Variants in COTL1 observed in about 807,000 individuals in gnomAD.
The protein encoded by COTL1 is coactosin like F-actin binding protein 1.
A neutral mutation model predicts 16.5 loss-of-function variants in COTL1; 15 were observed. The observed-to-expected ratio is 0.91, with a 90% CI of 0.61 to 1.40. The LOEUF is 1.40. Ranked by LOEUF, COTL1 falls within the 40% of genes most tolerant of loss-of-function variation. The pLI is 0.00. For synonymous variants in COTL1, 112 were observed against 85.3 expected (o/e 1.31, Z -1.73); for missense variants, 220 against 201.5 (o/e 1.09, Z -0.56).
chr16:84,578,615 A>G (rs1904504661), intron 3 of COTL1, among the ~76,000 whole-genome samples: 1 of 151,484 alleles, frequency 6.6e-6, no homozygotes. Context: ...AGATATGCAC[A>G]CACCAACACA....
intron 3 of COTL1, among the ~76,000 whole-genome samples, chr16:84,571,061 CA>C (rs940822160): frequency 2.0e-5 from 3 of 151,744 alleles, no homozygotes; most frequent in African/African-American, 7.3e-5. Context: ...CCCTTTAGAA[CA>C]GACCCCAGAT....
chr16:84,576,501 G>T (rs953826338), intron 3 of COTL1: 4 of 152,188 alleles, frequency 2.6e-5, no homozygotes, highest in African/African-American at 9.6e-5. Flanking sequence ...TAGGCTCTGG[G>T]AAGTCAAAAT....
At chr16:84,575,790 A>G (rs770787168) in intron 3 of COTL1, 4 of 152,272 alleles carry the variant, frequency 2.6e-5, no homozygotes, top group Non-Finnish European at 5.9e-5. Flanking sequence ...CTGGGGACTC[A>G]ACCTCCCTGA....
intron 3 of COTL1, among the ~76,000 whole-genome samples, 154 bp downstream of exon 3, chr16:84,589,951 T>A (rs571106290): frequency 6.6e-6 from 1 of 152,320 alleles, no homozygotes; most frequent in South Asian, 2.1e-4. Flanking sequence ...TGGTGACATT[T>A]CACCAATGGC....
chr16:84,587,501 G>C (rs891232035), intron 3 of COTL1, among the ~76,000 whole-genome samples: 5 of 152,198 alleles, frequency 3.3e-5, no homozygotes, highest in African/African-American at 1.2e-4. Context: ...AAGAGGCCAA[G>C]AACAGGGGAA....
intron 3 of COTL1, chr16:84,568,055 TG>T (rs1904306286): frequency 6.6e-6 from 1 of 152,216 alleles, no homozygotes; most frequent in African/African-American, 2.4e-5. Flanking sequence ...TGGAGTGCAG[TG>T]GCGCAATCTT....
At chr16:84,570,910 G>A (rs956443681) in intron 3 of COTL1, among the ~76,000 whole-genome samples, 2 of 151,036 alleles carry the variant, frequency 1.3e-5, no homozygotes, top group Admixed American at 1.3e-4. Context: ...ATCCTCAGGG[G>A]AACACAGAGA....
chr16:84,570,790 G>A (rs563466098), intron 3 of COTL1, among the ~76,000 whole-genome samples: 40 of 152,166 alleles, frequency 2.6e-4, no homozygotes, highest in African/African-American at 8.7e-4. Flanking sequence ...AAGACAAGTC[G>A]TCCAGCAATC....
At chr16:84,586,086 C>G (rs1013101533) in intron 3 of COTL1, among the ~76,000 whole-genome samples, 1 of 152,192 alleles carries the variant, frequency 6.6e-6, no homozygotes, top group Non-Finnish European at 1.5e-5. Flanking sequence ...AAAGAGGCCT[C>G]TCTCTTCTGG....
At chr16:84,573,925 A>G (rs955939163) in intron 3 of COTL1, among the ~76,000 whole-genome samples, 7 of 151,884 alleles carry the variant, frequency 4.6e-5, no homozygotes, top group African/African-American at 1.7e-4. Flanking sequence ...GGAGGTCGAG[A>G]AGGGAGAATC....
intron 3 of COTL1, among the ~76,000 whole-genome samples, chr16:84,577,586 G>A (rs977396960): frequency 6.6e-6 from 1 of 152,184 alleles, no homozygotes; most frequent in Non-Finnish European, 1.5e-5. Context: ...TATAGATAAA[G>A]GGAAAAACTA....
intron 2 of COTL1, among the ~76,000 whole-genome samples, chr16:84,593,636 C>T (rs1342421400): frequency 2.0e-5 from 3 of 151,994 alleles, no homozygotes; most frequent in Admixed American, 6.6e-5. Flanking sequence ...CTCAGCCCCC[C>T]GAGTAGCTGG....
At chr16:84,592,509 G>C (rs113606727) in intron 2 of COTL1, among the ~76,000 whole-genome samples, 2 of 151,466 alleles carry the variant, frequency 1.3e-5, no homozygotes, top group African/African-American at 4.9e-5. Flanking sequence ...AATCTTAAAC[G>C]CAGCTTCTGA....
intron 2 of COTL1, among the ~76,000 whole-genome samples, chr16:84,601,003 TGACTTAGAGAA>T (rs1161476598): frequency 2.0e-5 from 3 of 151,198 alleles, no homozygotes; most frequent in African/African-American, 7.3e-5. Flanking sequence ...CTCCACCCTC[TGACTTAGAGAA>T]GAGTGGCTGT....
At chr16:84,605,318 G>A (rs893360025) in intron 2 of COTL1, among the ~76,000 whole-genome samples, 7 of 152,208 alleles carry the variant, frequency 4.6e-5, no homozygotes, top group East Asian at 3.9e-4. Flanking sequence ...GTACTGCCTC[G>A]GCTGTGAAAT....
chr16:84,598,255 C>T (rs551147979), intron 2 of COTL1, among the ~76,000 whole-genome samples: 6 of 152,270 alleles, frequency 3.9e-5, no homozygotes, highest in South Asian at 2.1e-4. Context: ...TCAAAAGAGC[C>T]GGACCCTTCC....
intron 3 of COTL1, among the ~76,000 whole-genome samples, chr16:84,573,047 C>G (rs942826115): frequency 1.3e-5 from 2 of 152,144 alleles, no homozygotes; most frequent in African/African-American, 2.4e-5. Context: ...AGCCACTTTG[C>G]CTGGCCGGGA....
chr16:84,607,566 T>C (rs573562948), intron 2 of COTL1, among the ~76,000 whole-genome samples: 3 of 152,236 alleles, frequency 2.0e-5, no homozygotes, highest in East Asian at 1.9e-4. Context: ...AGCTCCTACG[T>C]AGGGCCTGGG....
chr16:84,592,684 C>T (rs1443650394), intron 2 of COTL1, among the ~76,000 whole-genome samples: 1 of 152,042 alleles, frequency 6.6e-6, no homozygotes, highest in Non-Finnish European at 1.5e-5. Context: ...TGTAGGTTAG[C>T]ACCAAGACCC....
Sources: allele counts gnomAD v4.1 joint callset (sites outside exome capture counted in the v4.1 genomes callset), GRCh38; gene constraint gnomAD v4.1.1; transcripts MANE v1.5; gene names NCBI Gene and HGNC (gene_info 2026-07-23, HGNC 2026-07-21).